Variants in APP observed in about 807,000 individuals in gnomAD.
The protein encoded by APP is amyloid beta precursor protein.
A neutral mutation model predicts 101.4 loss-of-function variants in APP; 31 were observed. The observed-to-expected ratio is 0.31, with a 90% CI of 0.23 to 0.41. The LOEUF (loss-of-function observed/expected upper bound fraction) is 0.41, where lower values mean the gene tolerates loss of function less well. Ranked by LOEUF, APP falls within the 10% of genes least tolerant of loss-of-function variation. The pLI is 1.00. For synonymous variants in APP, 366 were observed against 364.4 expected (o/e 1.00, Z -0.05); for missense variants, 839 against 1,003.7 (o/e 0.84, Z 2.22).
chr21:26,024,794 G>A (rs953144455), intron 5 of APP, among the ~76,000 whole-genome samples: 40 of 152,280 alleles, frequency 2.6e-4, no homozygotes, highest in Admixed American at 1.2e-3. Context: ...AAAAAAATGT[G>A]TATGACCCCC....
At chr21:26,140,493 A>C (rs561135968) in intron 1 of APP, 3 of 664,394 alleles carry the variant, frequency 4.5e-6, no homozygotes, top group Non-Finnish European at 6.4e-6. Flanking sequence ...TTCCTTTTGT[A>C]GGATTTTCTT....
chr21:25,925,803 G>A (rs1038532744), intron 13 of APP, among the ~76,000 whole-genome samples: 1 of 152,172 alleles, frequency 6.6e-6, no homozygotes, highest in African/African-American at 2.4e-5. Flanking sequence ...AGGCACGGTG[G>A]TGTGTGCCTG....
intron 9 of APP, among the ~76,000 whole-genome samples, chr21:25,979,937 G>T (rs979346188): frequency 6.6e-6 from 1 of 152,184 alleles, no homozygotes; most frequent in East Asian, 1.9e-4. Flanking sequence ...TAACAAAACC[G>T]GGGAGCAAAT....
intron 3 of APP, among the ~76,000 whole-genome samples, chr21:26,057,607 G>A (rs2046095765): frequency 6.6e-6 from 1 of 152,108 alleles, no homozygotes; most frequent in Admixed American, 6.6e-5. Flanking sequence ...ATAGGAGTCT[G>A]CAGGCCTCAA....
intron 3 of APP, among the ~76,000 whole-genome samples, chr21:26,058,688 C>G (rs2046139097): frequency 6.6e-6 from 1 of 152,184 alleles, no homozygotes. Context: ...GTCATCCCAG[C>G]TACTTGGGAG....
chr21:25,913,270 AAG>A (rs747770089), intron 13 of APP, among the ~76,000 whole-genome samples: 124 of 152,376 alleles, frequency 8.1e-4, no homozygotes, highest in South Asian at 1.9e-3. Context: ...GTTTTATTGC[AAG>A]TGATTTTAAA....
rs757700322 is a variant in APP, at chr21:25,955,691, G to T, written c.1523C>A (p.Thr508Asn). Residue 508 changes from threonine (T) to asparagine (N), a missense_variant, in exon 12 of 18, where the codon ACC becomes AAC. Transcript: ENST00000346798. ...GCGCACATGCTCGAAATGCTTTAGG[G>T]TGTGCTGTCTGTCCTTCTGTTCTGC... ...VRAEQKDRQH[T>N]LKHFEHVRMV... The T allele has an allele frequency of 1.2e-6, 2 of 1,614,172 alleles. No individual in the cohort carries two copies. The highest frequency in any genetic ancestry group is 1.7e-6 in the Non-Finnish European group (2 of 1,180,034).
At chr21:25,950,268 T>A (rs958771324) in intron 13 of APP, among the ~76,000 whole-genome samples, 1 of 152,196 alleles carries the variant, frequency 6.6e-6, no homozygotes, top group Admixed American at 6.5e-5. Context: ...CCAGCTCTTT[T>A]CTCCGTTCTC....
intron 8 of APP, among the ~76,000 whole-genome samples, chr21:25,987,414 A>G (rs1442051373): frequency 6.6e-6 from 1 of 152,244 alleles, no homozygotes; most frequent in African/African-American, 2.4e-5. Flanking sequence ...CCTAGTCATT[A>G]GCAGCAATAC....
intron 14 of APP, among the ~76,000 whole-genome samples, chr21:25,908,871 C>T (rs114769564): frequency 0.02 from 3,063 of 152,214 alleles, 98 homozygotes; most frequent in African/African-American, 0.071. Context: ...AAGCACATAG[C>T]AGGGCTGGAA....
rs116611667 is a variant in APP, at chr21:26,014,113, C to T, written c.865+7727G>A. On this transcript the variant is annotated intron_variant, in intron 6 of 17. Coordinates refer to ENST00000346798, the MANE Select transcript of APP (RefSeq NM_000484.4). The stretch of plus-strand genomic sequence containing the variant: ...TAAGGAGGAGCCATTACCCTTTTGC[C>T]CTGTTCCCAAATACTCCCTGGAGCT... 7.3e-3 allele frequency among the ~76,000 whole-genome samples: 1,106 copies of T among 152,222 alleles called. 15 individuals carry two copies. The highest frequency in any genetic ancestry group is 0.025 in the African/African-American group (1,054 of 41,520).
At chr21:26,071,170 G>C (rs1433782955) in intron 3 of APP, among the ~76,000 whole-genome samples, 1 of 152,080 alleles carries the variant, frequency 6.6e-6, no homozygotes, top group Non-Finnish European at 1.5e-5. Context: ...GGCATCAAAT[G>C]AAAGTGCACT....
intron 7 of APP, among the ~76,000 whole-genome samples, chr21:25,999,153 G>A (rs755733804): frequency 1.2e-4 from 19 of 152,082 alleles, no homozygotes; most frequent in South Asian, 2.1e-4. Context: ...TTAGCCGGGC[G>A]CAGTGGCATG....
At chr21:26,096,596 A>G (rs2061946919) in intron 2 of APP, among the ~76,000 whole-genome samples, 1 of 152,218 alleles carries the variant, frequency 6.6e-6, no homozygotes, top group Non-Finnish European at 1.5e-5. Context: ...GGAGGTGAGC[A>G]TAAGTCTGAG....
Position 26,053,109 on chromosome 21 carries a change from A to G in APP, c.468+127T>C. The G allele has an allele frequency of 1.1e-5, 9 of 791,330 alleles. No individual in the cohort carries two copies. In the South Asian group the frequency reaches 1.3e-4, roughly 11 times the overall value. The allele number at this position is 791,330 out of a possible 1,614,324, so 49.0% of individuals were successfully genotyped here. ...AACTAAAATCTGGGTTACGGATAGT[A>G]GCACTGGGTTTTTTTCTTAAATAAC... On this transcript the variant is annotated intron_variant, in intron 4 of 17. Transcript: ENST00000346798.
At chr21:26,046,333 C>A (rs2045607831) in intron 5 of APP, among the ~76,000 whole-genome samples, 1 of 151,462 alleles carries the variant, frequency 6.6e-6, no homozygotes, top group Admixed American at 6.6e-5. Flanking sequence ...TCGTTTGAAC[C>A]CAGGAGGCAG....
chr21:25,946,207 G>GA (rs1198195927), intron 13 of APP, among the ~76,000 whole-genome samples: 1 of 152,024 alleles, frequency 6.6e-6, no homozygotes, highest in African/African-American at 2.4e-5. Flanking sequence ...TGCCACAAAA[G>GA]AAAAAACTGA....
At chr21:26,090,277 G>T (rs1335588592) in intron 2 of APP, among the ~76,000 whole-genome samples, 1 of 152,174 alleles carries the variant, frequency 6.6e-6, no homozygotes, top group Non-Finnish European at 1.5e-5. Flanking sequence ...CTGGAATCCG[G>T]AAAGTCCAAA....
chr21:25,909,266 CA>C (rs35504500), intron 14 of APP, among the ~76,000 whole-genome samples: 6,910 of 76,186 alleles, frequency 0.091, 175 homozygotes, highest in East Asian at 0.25. Context: ...GACTCCGTCT[CA>C]AAAAAAAAAA....
Sources: allele counts gnomAD v4.1 joint callset (sites outside exome capture counted in the v4.1 genomes callset), GRCh38; gene constraint gnomAD v4.1.1; transcripts MANE v1.5; gene names NCBI Gene and HGNC (gene_info 2026-07-23, HGNC 2026-07-21).